Variants in KCNIP4 observed in about 807,000 individuals in gnomAD.
The protein encoded by KCNIP4 is Kv channel-interacting protein 4.
In KCNIP4, 12 loss-of-function variants were observed where a neutral mutation model predicts 34.0. That is an observed-to-expected ratio of 0.35 (90% CI 0.23 to 0.57). KCNIP4 has a LOEUF of 0.57. Among genes scored for constraint, KCNIP4 ranks in the 20% least tolerant of loss-of-function variants. The pLI, the probability that KCNIP4 is intolerant of heterozygous loss-of-function variation, is 0.83. For synonymous variants in KCNIP4, 124 were observed against 102.2 expected, an observed-to-expected ratio of 1.21 and a Z score of -1.29; for missense variants, 238 against 311.7, an observed-to-expected ratio of 0.76 and a Z score of 1.78.
At chr4:21,090,673 T>C (rs1746918753) in intron 1 of KCNIP4, among the ~76,000 whole-genome samples, 1 of 152,232 alleles carries the variant, frequency 6.6e-6, no homozygotes, top group African/African-American at 2.4e-5. Context: ...TAATTTTGTT[T>C]TTCCAATAAA....
At chr4:21,144,917 C>A (rs566881579) in intron 1 of KCNIP4, among the ~76,000 whole-genome samples, 1 of 151,782 alleles carries the variant, frequency 6.6e-6, no homozygotes, top group Non-Finnish European at 1.5e-5. Context: ...AATAGGCAAA[C>A]AGGACCAGAT....
At chr4:21,914,582 G>A (rs1016606877) in intron 1 of KCNIP4, among the ~76,000 whole-genome samples, 5 of 152,034 alleles carry the variant, frequency 3.3e-5, no homozygotes, top group Admixed American at 6.6e-5. Context: ...CTTCAGGCAG[G>A]TCTTTCTGCT....
At chr4:21,287,571 G>T (rs76950743) in intron 1 of KCNIP4, among the ~76,000 whole-genome samples, 1,631 of 152,178 alleles carry the variant, frequency 0.011, 25 homozygotes, top group African/African-American at 0.036. Context: ...GAGGAACCTG[G>T]GACACAGGTA....
At chr4:21,727,402 A>C (rs1391806443) in intron 1 of KCNIP4, among the ~76,000 whole-genome samples, 1 of 152,146 alleles carries the variant, frequency 6.6e-6, no homozygotes, top group Admixed American at 6.6e-5. Context: ...AAAAGACACA[A>C]AATCTTCTGG....
chr4:21,272,566 A>G (rs776461202), intron 1 of KCNIP4, among the ~76,000 whole-genome samples: 1 of 152,150 alleles, frequency 6.6e-6, no homozygotes, highest in Non-Finnish European at 1.5e-5. Context: ...TTCCTTTTCC[A>G]GTCTTTTCAC....
At chr4:20,880,157 A>G (rs1022609253) in intron 2 of KCNIP4, among the ~76,000 whole-genome samples, 2 of 152,188 alleles carry the variant, frequency 1.3e-5, no homozygotes, top group Admixed American at 6.6e-5. Flanking sequence ...ATATACATTG[A>G]TGGGAAAAAA....
intron 1 of KCNIP4, among the ~76,000 whole-genome samples, chr4:20,995,467 A>G (rs998603093): frequency 5.3e-5 from 8 of 152,188 alleles, no homozygotes; most frequent in Non-Finnish European, 1.2e-4. Context: ...CCATTTGACC[A>G]ATAAACTGTG....
At chr4:21,149,471 G>A (rs1447957548) in intron 1 of KCNIP4, among the ~76,000 whole-genome samples, 1 of 152,064 alleles carries the variant, frequency 6.6e-6, no homozygotes. Context: ...AAGCTTCCAG[G>A]GAGACAGCAA....
chr4:21,456,315 C>T (rs1289900106), intron 1 of KCNIP4, among the ~76,000 whole-genome samples: 2 of 147,436 alleles, frequency 1.4e-5, no homozygotes, highest in South Asian at 2.1e-4. Context: ...TCAAGATTTG[C>T]GTACATATCC....
intron 1 of KCNIP4, among the ~76,000 whole-genome samples, chr4:21,281,210 C>T (rs183322564): frequency 6.6e-6 from 1 of 151,872 alleles, no homozygotes; most frequent in Admixed American, 6.6e-5. Context: ...CCTCAGCCTC[C>T]CAAGTAGCTG....
At chr4:21,052,199 G>A (rs1230870707) in intron 1 of KCNIP4, among the ~76,000 whole-genome samples, 9 of 152,042 alleles carry the variant, frequency 5.9e-5, no homozygotes, top group African/African-American at 1.2e-4. Context: ...TTTTCCAAGC[G>A]TTTGGAATTG....
intron 1 of KCNIP4, among the ~76,000 whole-genome samples, chr4:21,234,017 CAT>C (rs1407368263): frequency 4.8e-5 from 5 of 104,274 alleles, no homozygotes; most frequent in South Asian, 2.8e-4. Flanking sequence ...ACATATATAA[CAT>C]ATATTATATA....
chr4:20,997,195 G>T (rs773067715), intron 1 of KCNIP4, among the ~76,000 whole-genome samples: 1 of 152,040 alleles, frequency 6.6e-6, no homozygotes, highest in African/African-American at 2.4e-5. Flanking sequence ...TGGTAATAGC[G>T]CAAATAAAAG....
chr4:21,851,080 C>A (rs1422566785), intron 1 of KCNIP4: 2 of 152,054 alleles, frequency 1.3e-5, no homozygotes, highest in Non-Finnish European at 2.9e-5. Flanking sequence ...GTTTCTAAAA[C>A]AATGTCAAGA....
chr4:21,473,631 T>C (rs1253511450), intron 1 of KCNIP4, among the ~76,000 whole-genome samples: 1 of 152,072 alleles, frequency 6.6e-6, no homozygotes, highest in Non-Finnish European at 1.5e-5. Flanking sequence ...CAAGAAAACT[T>C]TAGATAAGAG....
At chr4:20,867,604 A>G (rs1034030446) in intron 2 of KCNIP4, among the ~76,000 whole-genome samples, 4 of 152,116 alleles carry the variant, frequency 2.6e-5, no homozygotes, top group Admixed American at 6.6e-5. Flanking sequence ...TTTTCTCAAC[A>G]TCAACTGTGG....
At chr4:20,969,007 A>G (rs1286932117) in intron 1 of KCNIP4, among the ~76,000 whole-genome samples, 2 of 152,228 alleles carry the variant, frequency 1.3e-5, no homozygotes, top group Non-Finnish European at 2.9e-5. Flanking sequence ...AGTAAACTAC[A>G]TCTACTACTA....
At chr4:21,846,893 GC>G (rs1370418567) in intron 1 of KCNIP4, 2 of 152,148 alleles carry the variant, frequency 1.3e-5, no homozygotes, top group East Asian at 3.9e-4. Context: ...GAGAACACTG[GC>G]CCAGTGCAAA....
intron 1 of KCNIP4, among the ~76,000 whole-genome samples, chr4:21,637,988 G>A (rs1365698082): frequency 6.6e-6 from 1 of 151,962 alleles, no homozygotes; most frequent in Non-Finnish European, 1.5e-5. Flanking sequence ...GGGGCAGGGG[G>A]GAGAAAAACA....
Sources: gnomAD v4.1 joint callset for allele counts (sites outside exome capture counted in the v4.1 genomes callset) on GRCh38, gnomAD v4.1.1 for gene constraint, MANE v1.5 for transcripts, NCBI Gene and HGNC (gene_info 2026-07-23, HGNC 2026-07-21) for gene names.